Variants in RABGAP1L observed in about 807,000 individuals in gnomAD.
The protein encoded by RABGAP1L is RAB GTPase activating protein 1 like, also known as rab GTPase-activating protein 1-like.
A neutral mutation model predicts 137.7 loss-of-function variants in RABGAP1L; 63 were observed. The observed-to-expected ratio is 0.46, with a 90% confidence interval of 0.37 to 0.56. The LOEUF is 0.56. RABGAP1L is among the 20% of genes least tolerant of loss of function. RABGAP1L has a pLI of 0.00. For synonymous variants in RABGAP1L, 431 were observed against 433.7 expected, an observed-to-expected ratio of 0.99 and a Z score of 0.08; for missense variants, 1,095 against 1,244.0, an observed-to-expected ratio of 0.88 and a Z score of 1.80.
At chr1:174,870,960 C>T (rs941672068) in intron 19 of RABGAP1L, among the ~76,000 whole-genome samples, 3 of 151,966 alleles carry the variant, frequency 2.0e-5, no homozygotes, top group Admixed American at 2.0e-4. Flanking sequence ...AGGATGGTCT[C>T]GATCTCCTGA....
chr1:174,586,238 G>C (rs1387483753), intron 13 of RABGAP1L, among the ~76,000 whole-genome samples: 1 of 152,042 alleles, frequency 6.6e-6, no homozygotes, highest in Non-Finnish European at 1.5e-5. Flanking sequence ...CATGGATGAA[G>C]CTGGAAGCCA....
chr1:174,370,898 G>A, intron 11 of RABGAP1L, 81 bp from the exon 12 acceptor site: 1 of 653,020 alleles, frequency 1.5e-6, no homozygotes, highest in Non-Finnish European at 2.4e-6. Context: ...TAGACATGGA[G>A]TCATGTTTAT....
intron 13 of RABGAP1L, among the ~76,000 whole-genome samples, chr1:174,488,884 T>G (rs1419757087): frequency 1.3e-5 from 2 of 151,566 alleles, no homozygotes; most frequent in Non-Finnish European, 2.9e-5. Flanking sequence ...TCATTTACAT[T>G]AGGTATTTCT....
chr1:174,400,917 A>C (rs1480883148), intron 13 of RABGAP1L, among the ~76,000 whole-genome samples: 1 of 152,140 alleles, frequency 6.6e-6, no homozygotes, highest in African/African-American at 2.4e-5. Context: ...TTTATAATCT[A>C]TAGAAAATAA....
At chr1:174,927,388 A>G (rs1255052433) in intron 19 of RABGAP1L, among the ~76,000 whole-genome samples, 1 of 152,052 alleles carries the variant, frequency 6.6e-6, no homozygotes, top group Admixed American at 6.6e-5. Context: ...AATTATAGTA[A>G]TATTTCTTCT....
At chr1:174,598,367 A>G (rs1164126986) in intron 13 of RABGAP1L, among the ~76,000 whole-genome samples, 2 of 149,614 alleles carry the variant, frequency 1.3e-5, no homozygotes, top group African/African-American at 2.5e-5. Context: ...TTTGAGATCT[A>G]TGCACTGAGG....
At chr1:174,511,192 G>C (rs548415499) in intron 13 of RABGAP1L, among the ~76,000 whole-genome samples, 1 of 152,268 alleles carries the variant, frequency 6.6e-6, no homozygotes, top group African/African-American at 2.4e-5. Flanking sequence ...GGACAGCTTA[G>C]ATTTTAAAAA....
At chr1:174,190,438 T>A (rs1298787833) in intron 1 of RABGAP1L, among the ~76,000 whole-genome samples, 6 of 152,198 alleles carry the variant, frequency 3.9e-5, no homozygotes, top group Non-Finnish European at 7.3e-5. Flanking sequence ...AGGTATTTTT[T>A]AATAAGCAAT....
At chr1:174,258,186 T>C (rs561647833) in intron 7 of RABGAP1L, among the ~76,000 whole-genome samples, 51 of 152,376 alleles carry the variant, frequency 3.3e-4, no homozygotes, top group African/African-American at 1.2e-3. Flanking sequence ...TGCATTTCAT[T>C]GGATTAAATG....
chr1:174,841,777 G>A (rs1319018782), intron 19 of RABGAP1L, among the ~76,000 whole-genome samples: 1 of 151,774 alleles, frequency 6.6e-6, no homozygotes, highest in Non-Finnish European at 1.5e-5. Context: ...TAGAAGAAAT[G>A]GATGATTTTC....
In RABGAP1L at chr1:174,238,526, A is replaced by G. The variant is rs559853016; in HGVS notation, c.543-2957A>G. Among the ~76,000 whole-genome samples the G allele has an allele frequency of 6.6e-5, 10 of 152,042 alleles. No homozygotes were observed. The East Asian group carries it at 7.7e-4, about 12-fold the overall frequency. ...CTGCAGGTCTGTTGGAATACCCTGCAGTGTGAGGTGTCAGTGTGCCTCTGC... is the reference window on the plus strand; with the variant it reads ...CTGCAGGTCTGTTGGAATACCCTGCGGTGTGAGGTGTCAGTGTGCCTCTGC... On this transcript the variant is annotated intron_variant, in intron 4 of 25. Coordinates refer to ENST00000681986, the MANE Select transcript of RABGAP1L (RefSeq NM_001366446.1).
intron 19 of RABGAP1L, chr1:174,948,584 G>A (rs1573967357): frequency 6.7e-6 from 1 of 150,036 alleles, no homozygotes; most frequent in Non-Finnish European, 1.5e-5. Context: ...TGAGGGGATC[G>A]CTACCCCATT....
At chr1:174,518,618 A>G (rs1365896645) in intron 13 of RABGAP1L, among the ~76,000 whole-genome samples, 1 of 152,182 alleles carries the variant, frequency 6.6e-6, no homozygotes, top group East Asian at 1.9e-4. Flanking sequence ...TTAAATATAC[A>G]TTTAGTACAG....
At chr1:174,762,411 C>T (rs1685299010) in intron 18 of RABGAP1L, among the ~76,000 whole-genome samples, 1 of 152,210 alleles carries the variant, frequency 6.6e-6, no homozygotes, top group South Asian at 2.1e-4. Context: ...AATGCTCTGT[C>T]TCCCTCTCTT....
At position 174,278,768 on chromosome 1, in the gene RABGAP1L, A is replaced by G; in HGVS notation, c.1312A>G (p.Arg438Gly). ...GACTTTCACAGAGACTTTCTTCATG[A>G]GATTGAAACAGGTAGGACCTTTTTG... ...RKTFTETFFM[R>G]LKQSEGKGHT... The change falls in exon 10 of 26, where the codon AGA becomes GGA. Residue 438 changes from arginine to glycine, a missense_variant. Physicochemically the swap from Arg to Gly is moderately radical, Grantham distance 125. Coordinates refer to ENST00000681986, the MANE Select transcript of RABGAP1L (RefSeq NM_001366446.1). 1 of 1,557,492 alleles carries G rather than the reference A, an allele frequency of 6.4e-7. No individual in the cohort carries two copies. The highest frequency in any genetic ancestry group is 8.6e-7 in the Non-Finnish European group (1 of 1,158,326).
intron 13 of RABGAP1L, among the ~76,000 whole-genome samples, chr1:174,471,060 A>G (rs535341215): frequency 3.3e-5 from 5 of 151,570 alleles, no homozygotes; most frequent in African/African-American, 9.7e-5. Context: ...ACTTTGATTT[A>G]CTGATATTGA....
intron 18 of RABGAP1L, among the ~76,000 whole-genome samples, chr1:174,755,966 A>G (rs1166814670): frequency 6.6e-6 from 1 of 152,204 alleles, no homozygotes; most frequent in Non-Finnish European, 1.5e-5. Flanking sequence ...CAATGGTCTT[A>G]GGTAAATTAC....
rs1679700480 is a variant in RABGAP1L at position 174,702,005 on chromosome 1, A to T, written c.2026-108A>T. 3 of 976,200 alleles carry T rather than the reference A, an allele frequency of 3.1e-6. No homozygotes were observed. The African/African-American group carries it at 4.9e-5, about 16-fold the overall frequency. The allele number at this position is 976,200 out of a possible 1,614,324, so 60.5% of individuals were successfully genotyped here. On this transcript the variant is annotated intron_variant, in intron 16 of 25. Coordinates refer to ENST00000681986, the MANE Select transcript of RABGAP1L (RefSeq NM_001366446.1). ...TACAAGACAACCAATACTAGAATAGAGTTACAGCGATCATAGAAAGCTGTT... is the reference window on the plus strand; with the variant it reads ...TACAAGACAACCAATACTAGAATAGTGTTACAGCGATCATAGAAAGCTGTT...
intron 13 of RABGAP1L, among the ~76,000 whole-genome samples, chr1:174,609,447 C>G (rs574935529): frequency 1.3e-4 from 20 of 152,024 alleles, no homozygotes; most frequent in Non-Finnish European, 2.5e-4. Context: ...ACATACATAT[C>G]AAAAGCAAAA....
Sources: allele counts gnomAD v4.1 joint callset (sites outside exome capture counted in the v4.1 genomes callset), GRCh38; gene constraint gnomAD v4.1.1; transcripts MANE v1.5; gene names NCBI Gene and HGNC (gene_info 2026-07-23, HGNC 2026-07-21).